KCNH7: variants seen among roughly 807,000 people sequenced by gnomAD.
The protein encoded by KCNH7 is voltage-gated inwardly rectifying potassium channel KCNH7.
Under a neutral mutation model 120.8 loss-of-function variants are expected in KCNH7, and 49 were observed. The observed-to-expected ratio is 0.41, with a 90% CI of 0.32 to 0.51. The LOEUF is 0.51. Ranked by LOEUF, KCNH7 falls within the 20% of genes least tolerant of loss-of-function variation. KCNH7 has a pLI of 0.38. For synonymous variants in KCNH7, 547 were observed against 516.1 expected (o/e 1.06, Z -0.81); for missense variants, 1,097 against 1,446.6 (o/e 0.76, Z 3.92).
chr2:162,379,797 C>G (rs1009884855), intron 14 of KCNH7, 56 bp downstream of exon 14: 4 of 1,548,114 alleles, frequency 2.6e-6, no homozygotes, highest in Non-Finnish European at 3.5e-6. Context: ...AGGAGTAAAA[C>G]TGGACCCATG....
At chr2:162,587,590 C>T (rs1014927250) in intron 2 of KCNH7, among the ~76,000 whole-genome samples, 5 of 152,030 alleles carry the variant, frequency 3.3e-5, no homozygotes, top group South Asian at 4.2e-4. Flanking sequence ...CACACACACA[C>T]GCAAGCACAT....
intron 2 of KCNH7, among the ~76,000 whole-genome samples, chr2:162,729,741 A>G (rs919882480): frequency 2.0e-5 from 3 of 152,076 alleles, no homozygotes; most frequent in African/African-American, 7.2e-5. Context: ...TCCTCATGAG[A>G]TGTGATGTTA....
intron 6 of KCNH7, among the ~76,000 whole-genome samples, chr2:162,488,028 C>T (rs1039906447): frequency 2.6e-5 from 4 of 152,176 alleles, no homozygotes; most frequent in African/African-American, 9.7e-5. Flanking sequence ...TTGTCCCAAC[C>T]CTCAGGCCAG....
intron 14 of KCNH7, among the ~76,000 whole-genome samples, chr2:162,376,293 C>G (rs563201710): frequency 6.6e-6 from 1 of 151,998 alleles, no homozygotes; most frequent in South Asian, 2.1e-4. Context: ...AGATAAATTG[C>G]TCTGTGTGCA....
chr2:162,827,960 T>C (rs1043770534), intron 2 of KCNH7, among the ~76,000 whole-genome samples: 3 of 152,070 alleles, frequency 2.0e-5, no homozygotes, highest in African/African-American at 7.2e-5. Flanking sequence ...AGGGCTGGTG[T>C]CCATTGCATA....
chr2:162,477,580 C>T (rs1041700226), intron 6 of KCNH7, among the ~76,000 whole-genome samples: 6 of 152,206 alleles, frequency 3.9e-5, no homozygotes, highest in African/African-American at 1.4e-4. Context: ...TTTCTGTCTT[C>T]ACAGGGAATA....
chr2:162,541,701 C>A (rs576832637), intron 2 of KCNH7, among the ~76,000 whole-genome samples: 4 of 152,024 alleles, frequency 2.6e-5, no homozygotes, highest in South Asian at 2.1e-4. Flanking sequence ...GGCGGGGGAT[C>A]GGGGAAAGGG....
chr2:162,564,249 G>A (rs995872214), intron 2 of KCNH7, among the ~76,000 whole-genome samples: 2 of 151,074 alleles, frequency 1.3e-5, no homozygotes, highest in Non-Finnish European at 2.9e-5. Flanking sequence ...TGGATAGCAC[G>A]GTTAGGACCT....
intron 2 of KCNH7, among the ~76,000 whole-genome samples, chr2:162,787,927 A>T (rs1284923099): frequency 6.6e-6 from 1 of 152,204 alleles, no homozygotes; most frequent in East Asian, 1.9e-4. Flanking sequence ...CAGCAAGGTT[A>T]TCTGCAGATA....
chr2:162,442,677 G>A (rs376474037), intron 7 of KCNH7, among the ~76,000 whole-genome samples: 2 of 151,950 alleles, frequency 1.3e-5, no homozygotes, highest in East Asian at 3.9e-4. Flanking sequence ...GGACAACATA[G>A]TGAAACTCTC....
chr2:162,492,749 C>T (rs906072225), intron 6 of KCNH7, among the ~76,000 whole-genome samples: 40 of 151,542 alleles, frequency 2.6e-4, no homozygotes, highest in Non-Finnish European at 4.1e-4. Context: ...TGGCTAAAAT[C>T]AGGTAATAAG....
Position 162,512,140 on chromosome 2 carries a change from A to G in KCNH7, c.913+514T>C, listed in dbSNP as rs114588822. Among the ~76,000 whole-genome samples the G allele has an allele frequency of 1.9e-3, 283 of 151,884 alleles. 1 individual carries two copies. Among genetic ancestry groups the G allele is most frequent in the African/African-American group, 6.5e-3 (269 of 41,520 alleles). ...AAAATGATTAAAATATAATAGAGAA[A>G]AATAGAAAACAACTGTCATGCATAT... On this transcript the variant is annotated intron_variant, in intron 5 of 15. Transcript: ENST00000332142.
chr2:162,681,762 G>T (rs537644848), intron 2 of KCNH7, among the ~76,000 whole-genome samples: 1 of 150,942 alleles, frequency 6.6e-6, no homozygotes, highest in Admixed American at 6.6e-5. Context: ...AAGTGTATAC[G>T]TGTTTAAATT....
chr2:162,645,649 C>G (rs959009221), intron 2 of KCNH7, among the ~76,000 whole-genome samples: 1 of 152,074 alleles, frequency 6.6e-6, no homozygotes, highest in African/African-American at 2.4e-5. Flanking sequence ...GGTTATAAAC[C>G]ATGTGTATTT....
At chr2:162,510,382 A>G (rs1691030326) in intron 5 of KCNH7, among the ~76,000 whole-genome samples, 2 of 151,678 alleles carry the variant, frequency 1.3e-5, no homozygotes, top group Non-Finnish European at 3.0e-5. Context: ...CAGTAGAGAC[A>G]GATGAAGGGG....
chr2:162,835,114 C>T (rs562178974), intron 2 of KCNH7, among the ~76,000 whole-genome samples: 1 of 152,126 alleles, frequency 6.6e-6, no homozygotes, highest in South Asian at 2.1e-4. Context: ...AACAATTAGG[C>T]TATTTCTAGT....
rs116046101 is a variant in KCNH7, at chr2:162,544,425, T to A, written c.308-7345A>T. Reference sequence around the variant, plus strand: ...TATGAGGGCTATACATGCTTTAATATGATTTAGATCCTCACAAAAATGGCA... The same window carrying A: ...TATGAGGGCTATACATGCTTTAATAAGATTTAGATCCTCACAAAAATGGCA... On this transcript the variant is annotated intron_variant, in intron 2 of 15. Coordinates refer to ENST00000332142, the MANE Select transcript of KCNH7 (RefSeq NM_033272.4). Among the ~76,000 whole-genome samples the A allele has an allele frequency of 3.7e-3, 564 of 152,280 alleles. 5 individuals are homozygous for A. Among genetic ancestry groups the A allele is most frequent in the African/African-American group, 0.011 (467 of 41,576 alleles).
At chr2:162,748,929 T>C (rs1021784837) in intron 2 of KCNH7, among the ~76,000 whole-genome samples, 1 of 42,072 alleles carries the variant, frequency 2.4e-5, no homozygotes, top group Non-Finnish European at 3.9e-5. Context: ...CCCTTTCCTT[T>C]CCTTCCTTCC....
At chr2:162,533,811 A>G (rs1692015831) in intron 3 of KCNH7, among the ~76,000 whole-genome samples, 1 of 151,646 alleles carries the variant, frequency 6.6e-6, no homozygotes, top group South Asian at 2.1e-4. Context: ...CAGCATAATA[A>G]TAAGGCAGAG....
Sources: allele counts gnomAD v4.1 joint callset (sites outside exome capture counted in the v4.1 genomes callset), GRCh38; gene constraint gnomAD v4.1.1; transcripts MANE v1.5; gene names NCBI Gene and HGNC (gene_info 2026-07-23, HGNC 2026-07-21).